ZNF331: variants seen among roughly 807,000 people sequenced by gnomAD.
ZNF331 encodes the protein C2H2-like zinc finger protein rearranged in thyroid adenomas.
Under a neutral mutation model 7.0 loss-of-function variants are expected in ZNF331, and 2 were observed. The observed-to-expected ratio is 0.29, with a 90% CI of 0.12 to 0.90. ZNF331 has a LOEUF of 0.90. Ranked by LOEUF, ZNF331 falls within the 40% of genes least tolerant of loss-of-function variation. The pLI, the probability that ZNF331 is intolerant of heterozygous loss-of-function variation, is 0.58. For synonymous variants in ZNF331, 196 were observed against 205.4 expected, an observed-to-expected ratio of 0.95 and a Z score of 0.39; for missense variants, 432 against 587.7, an observed-to-expected ratio of 0.74 and a Z score of 2.74.
chr19:53,538,216 G>A lies in ZNF331; in HGVS notation c.-285G>A, dbSNP rs894768032. On this transcript the variant is annotated 5_prime_UTR_variant, in exon 1 of 6. Coordinates refer to ENST00000449416, the MANE Select transcript of ZNF331 (RefSeq NM_001079906.2). ...AACTGTGACACGGGTGCACGCGAGCGTCATTGGGGGCGATGGGGGCCGTGC... is the reference window on the plus strand; with the variant it reads ...AACTGTGACACGGGTGCACGCGAGCATCATTGGGGGCGATGGGGGCCGTGC... 4.6e-5 allele frequency: 7 copies of A among 152,266 alleles called. No homozygotes were observed. The highest frequency in any genetic ancestry group is 1.7e-4 in the African/African-American group (7 of 41,444). 9.4% of individuals were successfully genotyped at this position (152,266 alleles called of 1,614,324 possible).
chr19:53,552,671 G>A (rs1213355997), intron 2 of ZNF331, among the ~76,000 whole-genome samples: 2 of 152,172 alleles, frequency 1.3e-5, no homozygotes, highest in African/African-American at 4.8e-5. Context: ...GGCAGAGGTT[G>A]CAGTGTGGTT....
At chr19:53,516,267 A>G (rs941295167), upstream of ZNF331, among the ~76,000 whole-genome samples, 6 of 152,102 alleles carry the variant, frequency 3.9e-5, 1 homozygote, top group East Asian at 9.7e-4. Context: ...CCTGGCTAAC[A>G]TGGTGAAACG....
chr19:53,518,067 T>G (rs574200909), upstream of ZNF331, among the ~76,000 whole-genome samples: 2 of 152,156 alleles, frequency 1.3e-5, no homozygotes, highest in Non-Finnish European at 2.9e-5. Context: ...TTTGAGTCAG[T>G]GGATGGAGAG....
At chr19:53,530,701 G>A (rs947834254) in intron 2 of ZNF331, among the ~76,000 whole-genome samples, 1 of 152,176 alleles carries the variant, frequency 6.6e-6, no homozygotes, top group Non-Finnish European at 1.5e-5. Flanking sequence ...TGGCATTTTG[G>A]CCATTTTTCC....
In ZNF331 at chr19:53,542,402, C is replaced by T. The variant is rs551847386; in HGVS notation, c.-138+3120C>T. On this transcript the variant is annotated intron_variant, in intron 2 of 5. Coordinates refer to ENST00000449416, the MANE Select transcript of ZNF331 (RefSeq NM_001079906.2). ...AATAATCACCCATGAACACTAATCA[C>T]TGGGTGCCTTGCAGATACGGACTTT... Among the ~76,000 whole-genome samples the T allele has an allele frequency of 3.3e-5, 5 of 152,338 alleles. No individual in the cohort carries two copies. In the South Asian group the frequency reaches 6.2e-4, roughly 19 times the overall value.
chr19:53,557,720 T>G (rs964466743), intron 3 of ZNF331, among the ~76,000 whole-genome samples: 1 of 135,838 alleles, frequency 7.4e-6, no homozygotes, highest in East Asian at 2.1e-4. Flanking sequence ...CCCAGGACTT[T>G]AGGAGGCCGA....
At chr19:53,559,946 C>T (rs1390130981) in intron 3 of ZNF331, among the ~76,000 whole-genome samples, 4 of 148,920 alleles carry the variant, frequency 2.7e-5, no homozygotes, top group Non-Finnish European at 6.0e-5. Context: ...TACATACACA[C>T]CACACACACA....
chr19:53,506,460 C>G, the ZNF331 span, among the ~76,000 whole-genome samples: 24,064 of 130,940 alleles, frequency 0.18, 1,854 homozygotes, highest in Middle Eastern at 0.24. Context: ...CTCTCTCTCT[C>G]TCTCTCTCTC....
chr19:53,558,348 T>C lies in ZNF331; in HGVS notation c.-74+2440T>C, dbSNP rs902765971. ...CACAGGAGCTTCTGTTCCCGTGGAA[T>C]TGGGGTGCGCCACCTTTTCAGAGTT... is the stretch of plus-strand genomic sequence containing the variant. On this transcript the variant is annotated intron_variant, in intron 3 of 5. Transcript: ENST00000449416. This position sits in a 1 kb window ranked among gnomAD's most constrained non-coding sequence, Gnocchi z 4.5. 2.6e-5 allele frequency among the ~76,000 whole-genome samples: 4 copies of C among 152,084 alleles called. No individual in the cohort carries two copies. The highest frequency in any genetic ancestry group is 1.9e-4 in the East Asian group (1 of 5,178).
Position 53,577,442 on chromosome 19 carries a change from A to G in ZNF331, c.882A>G (p.Thr294=). 6.2e-7 allele frequency: 1 copy of G among 1,614,188 alleles called. No individual in the cohort carries two copies. The highest frequency in any genetic ancestry group is 1.7e-4 in the Middle Eastern group (1 of 6,060). Residue 294 remains threonine (T), a synonymous_variant, in exon 6 of 6, where the codon ACA becomes ACG. Coordinates refer to ENST00000449416, the MANE Select transcript of ZNF331 (RefSeq NM_001079906.2). ...SSLIQHKRIH[T]GEKPYECQEC... ...TCATTCAGCATAAAAGAATTCACAC[A>G]GGTGAGAAACCCTATGAATGTCAAG...
Position 53,579,470 on chromosome 19 carries a change from A to G in ZNF331, c.*1518A>G, listed in dbSNP as rs2090849126. ...ATAAGGATAATCACATCTACCTGAG[A>G]CTGCTATCATGGAAATTAAATGTTT... On this transcript the variant is annotated 3_prime_UTR_variant, in exon 6 of 6. Coordinates refer to ENST00000449416, the MANE Select transcript of ZNF331 (RefSeq NM_001079906.2). 1 of 210,566 alleles carries G rather than the reference A, an allele frequency of 4.7e-6. No homozygotes were observed. Among genetic ancestry groups the G allele is most frequent in the African/African-American group, 2.3e-5 (1 of 44,088 alleles). 13.0% of individuals were successfully genotyped at this position (210,566 alleles called of 1,614,324 possible). A position where few individuals can be genotyped will look rare whatever the true frequency, so the allele number is the denominator to read the frequency against.
intron 2 of ZNF331, among the ~76,000 whole-genome samples, chr19:53,530,962 T>C (rs2087515502): frequency 6.6e-6 from 1 of 152,118 alleles, no homozygotes; most frequent in Non-Finnish European, 1.5e-5. Flanking sequence ...GTTAATACAA[T>C]GTAGACCCCA....
Position 53,579,995 on chromosome 19 carries a change from T to C in ZNF331, c.*2043T>C, listed in dbSNP as rs2090865503. 3.8e-5 allele frequency: 8 copies of C among 208,668 alleles called. No homozygotes were observed. The highest frequency in any genetic ancestry group is 1.6e-4 in the African/African-American group (7 of 44,120). 12.9% of individuals were successfully genotyped at this position (208,668 alleles called of 1,614,324 possible). ...TAAGTAAGTGAAAATGTATTCAATG[T>C]CATTGCTCCTCAAGGAACTGTAGAG... On this transcript the variant is annotated 3_prime_UTR_variant, in exon 6 of 6. Coordinates refer to ENST00000449416, the MANE Select transcript of ZNF331 (RefSeq NM_001079906.2).
chr19:53,517,336 A>G (rs2086926740), upstream of ZNF331, among the ~76,000 whole-genome samples: 1 of 152,080 alleles, frequency 6.6e-6, no homozygotes, highest in African/African-American at 2.4e-5. Context: ...TGCTTAGTAA[A>G]TAAATAATAA....
Position 53,560,095 on chromosome 19 carries a change from A to T in ZNF331, c.-74+4187A>T, listed in dbSNP as rs1293335653. On this transcript the variant is annotated intron_variant, in intron 3 of 5. Transcript: ENST00000449416. This position sits in a 1 kb window ranked among gnomAD's most constrained non-coding sequence, Gnocchi z 4.3. ...ACCATACACACACATATATACACAC[A>T]TATACCCACACCATACACACACATA... Among the ~76,000 whole-genome samples, 1 of 150,918 alleles carries T rather than the reference A, an allele frequency of 6.6e-6. No individual in the cohort carries two copies. The highest frequency in any genetic ancestry group is 1.9e-4 in the East Asian group (1 of 5,182).
At chr19:53,514,242 A>G in the ZNF331 span, among the ~76,000 whole-genome samples, 3 of 152,000 alleles carry the variant, frequency 2.0e-5, no homozygotes, top group Non-Finnish European at 4.4e-5. Context: ...TCTGTTGCCC[A>G]GGCTGGAGTG....
the ZNF331 span, among the ~76,000 whole-genome samples, chr19:53,508,847 G>A: frequency 6.6e-6 from 1 of 152,084 alleles, no homozygotes; most frequent in African/African-American, 2.4e-5. Flanking sequence ...AAATGTCTTG[G>A]AGACAGTAGG....
rs1600260181 is a variant in ZNF331 at position 53,539,474 on chromosome 19, G to A, written c.-138+192G>A. On this transcript the variant is annotated intron_variant, in intron 2 of 5. Coordinates refer to ENST00000449416, the MANE Select transcript of ZNF331 (RefSeq NM_001079906.2). The surrounding 1 kb of genome is among the most constrained non-coding windows in gnomAD (Gnocchi z 6.1). ...CCCATAGACGCGCACCCCTGAGTGG[G>A]AGTGCACAGTGAGTGCTGCTGTTTT... The A allele has an allele frequency of 2.0e-5, 3 of 152,166 alleles. No individual in the cohort carries two copies. The East Asian group carries it at 5.8e-4, about 29-fold the overall frequency. 9.4% of individuals were successfully genotyped at this position (152,166 alleles called of 1,614,324 possible).
intron 2 of ZNF331, among the ~76,000 whole-genome samples, chr19:53,543,451 A>G (rs2088324660): frequency 1.3e-5 from 2 of 151,522 alleles, no homozygotes; most frequent in Admixed American, 6.6e-5. Flanking sequence ...TTTAGTAGAG[A>G]CGGGGTTTCA....
Sources: gnomAD v4.1 joint callset for allele counts (sites outside exome capture counted in the v4.1 genomes callset) on GRCh38, gnomAD v4.1.1 for gene constraint, Gnocchi (gnomAD v3.1) non-coding constraint, MANE v1.5 for transcripts, NCBI Gene and HGNC (gene_info 2026-07-23, HGNC 2026-07-21) for gene names.